ADAM32: variants seen among roughly 807,000 people sequenced by gnomAD.
ADAM32 encodes ADAM metallopeptidase domain 32.
ADAM32 carries 89 observed loss-of-function variants against 114.9 expected under a neutral mutation model. The observed-to-expected ratio is 0.77, with a 90% CI of 0.65 to 0.92. The LOEUF (loss-of-function observed/expected upper bound fraction) is 0.92, where lower values mean the gene tolerates loss of function less well. Among genes scored for constraint, ADAM32 ranks in the 40% least tolerant of loss-of-function variants. ADAM32 has a pLI of 0.00. For missense variants in ADAM32, 870 were observed against 932.8 expected, an observed-to-expected ratio of 0.93 and a Z score of 0.88; for synonymous variants, 285 against 307.5, an observed-to-expected ratio of 0.93 and a Z score of 0.77.
chr8:39,274,158 A>G (rs1468687184), intron 20 of ADAM32, among the ~76,000 whole-genome samples, 154 bp from the exon 21 acceptor site: 1 of 152,162 alleles, frequency 6.6e-6, no homozygotes, highest in African/African-American at 2.4e-5. Flanking sequence ...ATTTATTTGC[A>G]TCTATGTTCA....
intron 18 of ADAM32, among the ~76,000 whole-genome samples, chr8:39,256,549 T>C (rs2129450630): frequency 6.6e-6 from 1 of 152,182 alleles, no homozygotes; most frequent in Non-Finnish European, 1.5e-5. Flanking sequence ...AAATGTTTAC[T>C]GAACTCTTAA....
intron 7 of ADAM32, 89 bp from the exon 8 acceptor site, chr8:39,164,675 C>A (rs1453770656): frequency 3.1e-6 from 3 of 981,384 alleles, no homozygotes; most frequent in East Asian, 2.8e-5. Flanking sequence ...CCCAAAGCAG[C>A]CTTACACCTC....
chr8:39,111,481 A>G (rs1840154617), intron 1 of ADAM32, among the ~76,000 whole-genome samples: 1 of 152,142 alleles, frequency 6.6e-6, no homozygotes, highest in African/African-American at 2.4e-5. Flanking sequence ...TATGCTTGTA[A>G]TCCCAGCACT....
At chr8:39,169,316 G>A (rs552972550) in intron 9 of ADAM32, 1 of 152,376 alleles carries the variant, frequency 6.6e-6, no homozygotes, top group African/African-American at 2.4e-5. Context: ...GCTACCTTGA[G>A]AGAGTTACTT....
chr8:39,156,742 CCCT>C (rs1564500855), intron 6 of ADAM32, among the ~76,000 whole-genome samples: 7 of 152,252 alleles, frequency 4.6e-5, no homozygotes, highest in African/African-American at 1.7e-4. Context: ...TAAGTAACCA[CCCT>C]CTCCCTGTAT....
chr8:39,253,696 G>A lies in ADAM32; in HGVS notation c.1903-718G>A, dbSNP rs117924410. Among the ~76,000 whole-genome samples, 55 of 151,354 alleles carry A rather than the reference G, an allele frequency of 3.6e-4. No individual in the cohort carries two copies. In the East Asian group the frequency reaches 0.01, roughly 28 times the overall value. ...AGCATCAAAAAGAATAAAATACTTA[G>A]GTTTAAAACAAACCAAGGAGGTGAA... On this transcript the variant is annotated intron_variant, in intron 17 of 24. Coordinates refer to ENST00000379907, the MANE Select transcript of ADAM32 (RefSeq NM_145004.7).
chr8:39,265,762 G>A (rs1267916807), intron 19 of ADAM32, among the ~76,000 whole-genome samples: 2 of 152,136 alleles, frequency 1.3e-5, no homozygotes, highest in African/African-American at 2.4e-5. Flanking sequence ...AGTGTTGGGG[G>A]GCTACGCATG....
At chr8:39,213,041 CA>C (rs1808332026) in intron 12 of ADAM32, among the ~76,000 whole-genome samples, 1 of 152,028 alleles carries the variant, frequency 6.6e-6, no homozygotes, top group Non-Finnish European at 1.5e-5. Context: ...TTTCAATGGA[CA>C]AATAATAATT....
chr8:39,232,429 G>T (rs780003036), intron 15 of ADAM32, among the ~76,000 whole-genome samples: 9 of 151,974 alleles, frequency 5.9e-5, no homozygotes, highest in Non-Finnish European at 8.8e-5. Flanking sequence ...ATCCCACTTG[G>T]TTACTTGCCT....
chr8:39,217,523 A>G (rs1018462830), intron 12 of ADAM32, among the ~76,000 whole-genome samples: 26 of 151,672 alleles, frequency 1.7e-4, no homozygotes, highest in African/African-American at 5.8e-4. Flanking sequence ...GCTATTTTGT[A>G]GATCTTGTAG....
chr8:39,252,524 A>G (rs1489132701), intron 17 of ADAM32, among the ~76,000 whole-genome samples: 1 of 151,574 alleles, frequency 6.6e-6, no homozygotes, highest in Admixed American at 6.6e-5. Flanking sequence ...TTACACCTCA[A>G]GAAACTAGAA....
chr8:39,144,213 C>T (rs1803356353), intron 3 of ADAM32, among the ~76,000 whole-genome samples: 2 of 152,152 alleles, frequency 1.3e-5, no homozygotes, highest in South Asian at 4.1e-4. Context: ...TTCAGCTTTC[C>T]CTCCGTGGGC....
intron 14 of ADAM32, among the ~76,000 whole-genome samples, chr8:39,226,193 G>T (rs1333077524): frequency 2.0e-5 from 3 of 151,644 alleles, no homozygotes; most frequent in Admixed American, 2.0e-4. Flanking sequence ...AACTAGAGGA[G>T]AAATAAGAAA....
At chr8:39,233,256 A>T (rs1564649919) in intron 15 of ADAM32, among the ~76,000 whole-genome samples, 1 of 152,210 alleles carries the variant, frequency 6.6e-6, no homozygotes, top group Non-Finnish European at 1.5e-5. Context: ...ACTTATTGTT[A>T]CTTCTTTATT....
intron 11 of ADAM32, among the ~76,000 whole-genome samples, chr8:39,205,926 A>G (rs535243251): frequency 6.6e-6 from 1 of 151,992 alleles, no homozygotes; most frequent in Admixed American, 6.6e-5. Context: ...ATTCCTTTAG[A>G]GGAATATTTT....
chr8:39,188,383 GTCTGTCTA>G (rs1040401584), intron 11 of ADAM32, among the ~76,000 whole-genome samples: 65 of 151,948 alleles, frequency 4.3e-4, no homozygotes, highest in African/African-American at 1.1e-3. Context: ...CTGTCTGTCT[GTCTGTCTA>G]TCTATCTATC....
chr8:39,249,692 A>T (rs1225382209), intron 17 of ADAM32, among the ~76,000 whole-genome samples: 1 of 152,206 alleles, frequency 6.6e-6, no homozygotes, highest in Non-Finnish European at 1.5e-5. Flanking sequence ...GTTTACTTTC[A>T]CTTAATTCCT....
intron 10 of ADAM32, among the ~76,000 whole-genome samples, chr8:39,171,043 C>T (rs1450081893): frequency 6.6e-6 from 1 of 152,182 alleles, no homozygotes; most frequent in Non-Finnish European, 1.5e-5. Flanking sequence ...AAGCGATTCT[C>T]ATGTCTCAGT....
intron 11 of ADAM32, among the ~76,000 whole-genome samples, chr8:39,193,893 A>T (rs1585505994): frequency 6.6e-6 from 1 of 152,256 alleles, no homozygotes; most frequent in Non-Finnish European, 1.5e-5. Context: ...GTGCTCCCAG[A>T]CTGCTGGCCA....
Sources: gnomAD v4.1 joint callset for allele counts (sites outside exome capture counted in the v4.1 genomes callset) on GRCh38, gnomAD v4.1.1 for gene constraint, MANE v1.5 for transcripts, NCBI Gene and HGNC (gene_info 2026-07-23, HGNC 2026-07-21) for gene names.